CRPPA: variants seen among roughly 807,000 people sequenced by gnomAD.
CRPPA encodes D-ribitol-5-phosphate cytidylyltransferase.
A neutral mutation model predicts 52.0 loss-of-function variants in CRPPA; 43 were observed. The observed-to-expected ratio is 0.83, with a 90% CI of 0.65 to 1.07. The LOEUF is 1.07. Ranked by LOEUF, CRPPA falls within the 50% of genes least tolerant of loss-of-function variation. The pLI, the probability that CRPPA is intolerant of heterozygous loss-of-function variation, is 0.00. For missense variants in CRPPA, 629 were observed against 551.7 expected (o/e 1.14, Z -1.40); for synonymous variants, 250 against 203.5 (o/e 1.23, Z -1.94).
At chr7:16,164,554 C>G (rs768841510) in intron 9 of CRPPA, among the ~76,000 whole-genome samples, 1 of 152,050 alleles carries the variant, frequency 6.6e-6, no homozygotes, top group African/African-American at 2.4e-5. Context: ...CCCTTGCTGG[C>G]GAGGAATTGT....
At position 16,214,606 on chromosome 7, in the gene CRPPA, G is replaced by T. The variant is rs566808511; in HGVS notation, c.1251+1460C>A. Among the ~76,000 whole-genome samples the T allele has an allele frequency of 3.1e-3, 467 of 152,220 alleles. 3 individuals carry two copies. Among genetic ancestry groups the T allele is most frequent in the African/African-American group, 0.011 (440 of 41,530 alleles). ...CTCCGCCTCCGCCTCCCAGATTCAAGTGATTCTCCCACCTCAGCCTCCCAG... is the reference window on the plus strand; with the variant it reads ...CTCCGCCTCCGCCTCCCAGATTCAATTGATTCTCCCACCTCAGCCTCCCAG... On this transcript the variant is annotated intron_variant, in intron 9 of 9. Transcript: ENST00000407010.
intron 3 of CRPPA, among the ~76,000 whole-genome samples, chr7:16,314,252 T>C (rs1044269687): frequency 5.3e-5 from 8 of 152,060 alleles, no homozygotes; most frequent in Non-Finnish European, 7.4e-5. Flanking sequence ...CATTATGTAA[T>C]GCCCCTTTAG....
rs1785005314 is a variant in CRPPA at position 16,310,247 on chromosome 7, GC to G, written c.685-1621del. On this transcript the variant is annotated intron_variant, in intron 3 of 9. Transcript: ENST00000407010. ...AAAACCATCTGCCTCCCTAGACTTG[GC>G]CCCCCGAAAACAGTGTCTAACAGCC... Among the ~76,000 whole-genome samples, 3 of 151,946 alleles carry G rather than the reference GC, an allele frequency of 2.0e-5. No homozygotes were observed. In the South Asian group the frequency reaches 6.3e-4, roughly 32 times the overall value.
At chr7:16,206,373 C>T (rs1781974115) in intron 9 of CRPPA, among the ~76,000 whole-genome samples, 1 of 151,950 alleles carries the variant, frequency 6.6e-6, no homozygotes, top group Non-Finnish European at 1.5e-5. Flanking sequence ...CCTTTACTTG[C>T]GTCCTAACTT....
At chr7:16,298,277 G>A (rs1784715246) in intron 5 of CRPPA, among the ~76,000 whole-genome samples, 2 of 151,978 alleles carry the variant, frequency 1.3e-5, no homozygotes, top group African/African-American at 4.8e-5. Flanking sequence ...CAAATTCTAA[G>A]ACATATATAG....
intron 9 of CRPPA, among the ~76,000 whole-genome samples, chr7:16,106,244 G>C: frequency 6.6e-6 from 1 of 152,280 alleles, no homozygotes; most frequent in East Asian, 1.9e-4. Context: ...AACCCATCCT[G>C]TGGCTCCACC....
intron 8 of CRPPA, among the ~76,000 whole-genome samples, chr7:16,253,260 C>G (rs1215976849): frequency 6.6e-6 from 1 of 152,192 alleles, no homozygotes; most frequent in Non-Finnish European, 1.5e-5. Flanking sequence ...AAATTTCCCT[C>G]TACACACTGC....
chr7:16,342,315 T>C (rs183391747), intron 3 of CRPPA, among the ~76,000 whole-genome samples: 9 of 152,194 alleles, frequency 5.9e-5, no homozygotes, highest in Admixed American at 2.6e-4. Flanking sequence ...ACTAATTCTC[T>C]CTAATGTGAA....
chr7:16,201,989 G>C (rs1781871532), intron 9 of CRPPA, among the ~76,000 whole-genome samples: 1 of 152,078 alleles, frequency 6.6e-6, no homozygotes, highest in East Asian at 1.9e-4. Flanking sequence ...CATTAAGTTT[G>C]ATGTTAGATT....
intron 9 of CRPPA, among the ~76,000 whole-genome samples, chr7:16,144,456 G>A (rs1782933123): frequency 6.6e-6 from 1 of 152,194 alleles, no homozygotes; most frequent in Admixed American, 6.5e-5. Context: ...AAAAGTTTTA[G>A]GGAAAGATGC....
intron 9 of CRPPA, among the ~76,000 whole-genome samples, chr7:16,134,178 G>A (rs1426354236): frequency 2.4e-5 from 3 of 124,698 alleles, no homozygotes; most frequent in African/African-American, 7.8e-5. Context: ...TGATCCGCCC[G>A]CCTCGGCCCC....
At chr7:16,101,627 G>A (rs1782047535) in intron 9 of CRPPA, among the ~76,000 whole-genome samples, 1 of 151,358 alleles carries the variant, frequency 6.6e-6, no homozygotes, top group Non-Finnish European at 1.5e-5. Flanking sequence ...CAAAGTCTCG[G>A]GATAGAAAAT....
intron 9 of CRPPA, among the ~76,000 whole-genome samples, chr7:16,130,564 T>G (rs1047738402): frequency 1.3e-5 from 2 of 152,196 alleles, no homozygotes; most frequent in African/African-American, 4.8e-5. Context: ...TCTGTAACAC[T>G]GACTCCACCC....
At chr7:16,381,165 A>C (rs414551) in intron 2 of CRPPA, among the ~76,000 whole-genome samples, 3 of 152,262 alleles carry the variant, frequency 2.0e-5, no homozygotes, top group Non-Finnish European at 2.9e-5. Context: ...GCTTTGAATG[A>C]GTCCCACAGA....
intron 8 of CRPPA, among the ~76,000 whole-genome samples, chr7:16,251,988 T>A (rs949652219): frequency 6.6e-5 from 10 of 151,854 alleles, no homozygotes; most frequent in Non-Finnish European, 1.3e-4. Context: ...CTAGCCAGAC[T>A]AATAAAAAAG....
chr7:16,163,262 C>T (rs1780955571), intron 9 of CRPPA, among the ~76,000 whole-genome samples: 1 of 152,070 alleles, frequency 6.6e-6, no homozygotes, highest in African/African-American at 2.4e-5. Context: ...GTGGGAGCCA[C>T]TGCACCTGGG....
chr7:16,271,667 G>A (rs1000025695), intron 6 of CRPPA, among the ~76,000 whole-genome samples: 5 of 152,070 alleles, frequency 3.3e-5, no homozygotes, highest in Admixed American at 2.0e-4. Context: ...AAAGACTTAA[G>A]TTAAATACCA....
chr7:16,288,640 G>GT (rs754570683), intron 5 of CRPPA, among the ~76,000 whole-genome samples: 1 of 151,932 alleles, frequency 6.6e-6, no homozygotes, highest in Non-Finnish European at 1.5e-5. Context: ...GAGGTCAGGA[G>GT]TTTGAGGCCA....
At chr7:16,382,813 T>C (rs1291558582) in intron 2 of CRPPA, among the ~76,000 whole-genome samples, 1 of 152,214 alleles carries the variant, frequency 6.6e-6, no homozygotes, top group Admixed American at 6.5e-5. Flanking sequence ...ATACTTCACG[T>C]AGTTCTCGAG....
Sources: gnomAD v4.1 joint callset for allele counts (sites outside exome capture counted in the v4.1 genomes callset) on GRCh38, gnomAD v4.1.1 for gene constraint, MANE v1.5 for transcripts, NCBI Gene and HGNC (gene_info 2026-07-23, HGNC 2026-07-21) for gene names.